Variants in KCNMA1 observed in about 807,000 individuals in gnomAD.
KCNMA1 encodes the protein Calcium-activated potassium channel subunit alpha-1.
Under a neutral mutation model 140.0 loss-of-function variants are expected in KCNMA1, and 29 were observed. That is an observed-to-expected ratio of 0.21 (90% CI 0.15 to 0.28). The LOEUF is 0.28. Among genes scored for constraint, KCNMA1 ranks in the 10% least tolerant of loss-of-function variants. The probability of loss-of-function intolerance (pLI) is 1.00; values close to 1 mark genes in which losing one functional copy is unlikely to be tolerated. For synonymous variants in KCNMA1, 612 were observed against 611.9 expected, an observed-to-expected ratio of 1.00 and a Z score of 0.00; for missense variants, 880 against 1,602.2, an observed-to-expected ratio of 0.55 and a Z score of 7.70.
chr10:77,568,253 A>T (rs2069175319), intron 1 of KCNMA1, among the ~76,000 whole-genome samples: 1 of 152,230 alleles, frequency 6.6e-6, no homozygotes, highest in Admixed American at 6.5e-5. Flanking sequence ...CATCATCCTG[A>T]TACCAAAGCC....
At chr10:76,944,750 G>T in intron 23 of KCNMA1, 23 bp downstream of exon 23, 1 of 1,607,234 alleles carries the variant, frequency 6.2e-7, no homozygotes, top group Non-Finnish European at 8.5e-7. Flanking sequence ...GCACAGCAAA[G>T]AAGTATTACA....
intron 23 of KCNMA1, among the ~76,000 whole-genome samples, chr10:76,929,051 G>T (rs893945963): frequency 6.6e-6 from 1 of 151,930 alleles, no homozygotes; most frequent in Non-Finnish European, 1.5e-5. Flanking sequence ...AATGCTCACA[G>T]AAATGAGTTT....
chr10:77,305,491 C>A (rs181942007), intron 2 of KCNMA1, among the ~76,000 whole-genome samples: 1 of 152,156 alleles, frequency 6.6e-6, no homozygotes, highest in Non-Finnish European at 1.5e-5. Flanking sequence ...CTACCCAGTT[C>A]TCTCTGACCT....
chr10:76,894,372 A>C (rs2041589110), intron 25 of KCNMA1, among the ~76,000 whole-genome samples: 1 of 152,250 alleles, frequency 6.6e-6, no homozygotes, highest in Non-Finnish European at 1.5e-5. Flanking sequence ...AAACTGCAAA[A>C]TGCTTAGAAG....
intron 1 of KCNMA1, among the ~76,000 whole-genome samples, chr10:77,447,574 A>T (rs2097551807): frequency 6.6e-6 from 1 of 152,246 alleles, no homozygotes; most frequent in African/African-American, 2.4e-5. Flanking sequence ...ACCAAATGAC[A>T]TGAGGCCAAT....
chr10:77,418,486 T>C (rs923693674), intron 1 of KCNMA1, among the ~76,000 whole-genome samples: 1 of 152,190 alleles, frequency 6.6e-6, no homozygotes, highest in African/African-American at 2.4e-5. Flanking sequence ...CTGGTGTGAT[T>C]CAATCTGGCT....
chr10:77,395,721 TA>T (rs1323005948), intron 2 of KCNMA1, among the ~76,000 whole-genome samples: 1 of 152,250 alleles, frequency 6.6e-6, no homozygotes, highest in African/African-American at 2.4e-5. Flanking sequence ...GGAACCTAAT[TA>T]AAGCCATGAG....
At chr10:77,396,648 G>T (rs1412539417) in intron 2 of KCNMA1, among the ~76,000 whole-genome samples, 1 of 152,146 alleles carries the variant, frequency 6.6e-6, no homozygotes, top group Non-Finnish European at 1.5e-5. Flanking sequence ...AGATGAAATG[G>T]TCCAGGCTAT....
intron 16 of KCNMA1, among the ~76,000 whole-genome samples, chr10:77,026,657 C>A (rs1215380344): frequency 6.6e-6 from 1 of 152,118 alleles, no homozygotes; most frequent in Non-Finnish European, 1.5e-5. Flanking sequence ...TTTTTTCTTC[C>A]TTTTGGTTGA....
chr10:77,036,609 C>T (rs921756936), intron 15 of KCNMA1, among the ~76,000 whole-genome samples: 1 of 152,178 alleles, frequency 6.6e-6, no homozygotes, highest in Non-Finnish European at 1.5e-5. Flanking sequence ...GAATATTCCC[C>T]AATTCTTTTT....
At position 77,232,187 on chromosome 10, in the gene KCNMA1, G is replaced by C. The variant is rs943428790; in HGVS notation, c.602+19008C>G. Among the ~76,000 whole-genome samples the C allele has an allele frequency of 5.3e-5, 8 of 152,176 alleles. 1 individual carries two copies. The highest frequency in any genetic ancestry group is 5.9e-5 in the Non-Finnish European group (4 of 68,038). ...CATTTTGTTAATCCAGTCATCTGTT[G>C]ATGGGCATTTAGATTGTTTCGCTGT... On this transcript the variant is annotated intron_variant, in intron 3 of 27. Transcript: ENST00000286628.
intron 5 of KCNMA1, 75 bp downstream of exon 5, chr10:77,183,346 C>A: frequency 3.2e-6 from 3 of 951,670 alleles, no homozygotes; most frequent in Non-Finnish European, 5.2e-6. Context: ...AGACAGCCCC[C>A]TCATCCACTG....
chr10:77,601,963 G>C (rs951833334), intron 1 of KCNMA1, among the ~76,000 whole-genome samples: 4 of 152,164 alleles, frequency 2.6e-5, no homozygotes, highest in African/African-American at 4.8e-5. Flanking sequence ...TTCGAGAAGA[G>C]CCACACCACC....
chr10:77,378,703 A>G (rs1289573977), intron 2 of KCNMA1, among the ~76,000 whole-genome samples: 1 of 152,222 alleles, frequency 6.6e-6, no homozygotes, highest in East Asian at 1.9e-4. Context: ...TAGGATGTTT[A>G]GATGCCAAAT....
intron 5 of KCNMA1, among the ~76,000 whole-genome samples, chr10:77,166,500 C>T (rs2098643828): frequency 6.6e-6 from 1 of 151,870 alleles, no homozygotes. Context: ...AATACTGCAA[C>T]ACATACTAGT....
chr10:77,289,854 A>G (rs748133972), intron 2 of KCNMA1, among the ~76,000 whole-genome samples: 19 of 152,348 alleles, frequency 1.2e-4, no homozygotes, highest in Middle Eastern at 3.4e-3. Context: ...TTCGGCAAAT[A>G]GGCAAGTTCA....
chr10:77,117,863 C>T (rs1277015513), intron 6 of KCNMA1, among the ~76,000 whole-genome samples: 1 of 152,186 alleles, frequency 6.6e-6, no homozygotes, highest in East Asian at 1.9e-4. Flanking sequence ...GTATTCTAGG[C>T]CCCCTATGGG....
At chr10:77,356,695 A>G (rs940389080) in intron 2 of KCNMA1, among the ~76,000 whole-genome samples, 2 of 152,204 alleles carry the variant, frequency 1.3e-5, no homozygotes, top group Non-Finnish European at 2.9e-5. Flanking sequence ...GTGGATAGCT[A>G]TTATCTTTAC....
chr10:77,035,587 C>G (rs1303208740), intron 15 of KCNMA1, among the ~76,000 whole-genome samples: 1 of 152,170 alleles, frequency 6.6e-6, no homozygotes, highest in Non-Finnish European at 1.5e-5. Flanking sequence ...TAGCAGTTTC[C>G]TCTAGAAGTG....
Sources: gnomAD v4.1 joint callset for allele counts (sites outside exome capture counted in the v4.1 genomes callset) on GRCh38, gnomAD v4.1.1 for gene constraint, MANE v1.5 for transcripts, NCBI Gene and HGNC (gene_info 2026-07-23, HGNC 2026-07-21) for gene names.